The following CIBAR2 variants were observed in gnomAD, a reference collection of about 807,000 sequenced individuals.
CIBAR2 encodes the protein CBY1-interacting BAR domain-containing protein 2.
A neutral mutation model predicts 36.2 loss-of-function variants in CIBAR2; 38 were observed. That is an observed-to-expected ratio of 1.05 (90% confidence interval 0.81 to 1.38). The LOEUF (loss-of-function observed/expected upper bound fraction) is 1.38. Ranked by LOEUF, CIBAR2 falls within the 40% of genes most tolerant of loss-of-function variation. The pLI is 0.00. For synonymous variants in CIBAR2, 182 were observed against 149.5 expected (o/e 1.22, Z -1.58); for missense variants, 481 against 383.4 (o/e 1.25, Z -2.13).
chr16:85,104,994 G>A (rs1212326278), intron 6 of CIBAR2, among the ~76,000 whole-genome samples: 1 of 152,176 alleles, frequency 6.6e-6, no homozygotes, highest in East Asian at 1.9e-4. Flanking sequence ...AGAAAAAGAG[G>A]TTAGAGCCAT....
intron 6 of CIBAR2, among the ~76,000 whole-genome samples, chr16:85,103,146 G>C (rs1043425433): frequency 4.6e-5 from 7 of 152,204 alleles, no homozygotes; most frequent in Middle Eastern, 3.4e-3. Flanking sequence ...CAAGTGATCC[G>C]CAGGAGGGCT....
intron 1 of CIBAR2, among the ~76,000 whole-genome samples, chr16:85,110,748 AG>A (rs2074036415): frequency 7.8e-6 from 1 of 127,968 alleles, no homozygotes; most frequent in Non-Finnish European, 1.6e-5. Context: ...TCTGTCACCC[AG>A]GCTGGAGTGC....
chr16:85,102,142 T>C, intron 7 of CIBAR2, 72 bp downstream of exon 7: 1 of 829,648 alleles, frequency 1.2e-6, no homozygotes, highest in Non-Finnish European at 2.0e-6. Flanking sequence ...AAAAACGACT[T>C]CTATCAAGAC....
chr16:85,112,215 T>G, intron 1 of CIBAR2, 118 bp downstream of exon 1: 323 of 586,362 alleles, frequency 5.5e-4, no homozygotes, highest in Non-Finnish European at 7.8e-4. Flanking sequence ...AGAGCTCCCC[T>G]CACCCCCAAC....
intron 2 of CIBAR2, among the ~76,000 whole-genome samples, chr16:85,108,543 A>T (rs2074016021): frequency 6.6e-6 from 1 of 152,172 alleles, no homozygotes; most frequent in South Asian, 2.1e-4. Context: ...GCGGATGAGA[A>T]AACTGAGCCT....
At chr16:85,104,633 T>C (rs1373648271) in intron 6 of CIBAR2, among the ~76,000 whole-genome samples, 2 of 152,188 alleles carry the variant, frequency 1.3e-5, no homozygotes, top group East Asian at 1.9e-4. Context: ...GGAGAATCAC[T>C]TAAACCCGGG....
intron 1 of CIBAR2, among the ~76,000 whole-genome samples, chr16:85,111,047 G>A (rs1597673860): frequency 1.3e-5 from 2 of 152,070 alleles, no homozygotes; most frequent in East Asian, 3.9e-4. Flanking sequence ...CCCCCCTGCA[G>A]CAGGTGCGCG....
intron 2 of CIBAR2, 77 bp from the exon 3 acceptor site, chr16:85,108,176 G>A (rs760914938): frequency 1.5e-5 from 21 of 1,390,886 alleles, no homozygotes; most frequent in African/African-American, 2.9e-5. Context: ...AAGCAGAGCC[G>A]GCACCCGGGA....
intron 6 of CIBAR2, among the ~76,000 whole-genome samples, chr16:85,103,163 T>C (rs999332233): frequency 8.5e-5 from 13 of 152,086 alleles, no homozygotes; most frequent in Admixed American, 5.9e-4. Flanking sequence ...GGCTCCACTT[T>C]CATGAATGGG....
chr16:85,100,264 G>A (rs771710204), intron 7 of CIBAR2, 24 bp from the exon 8 acceptor site: 4 of 1,531,580 alleles, frequency 2.6e-6, no homozygotes, highest in Non-Finnish European at 2.7e-6. Context: ...ACCAGGGTGG[G>A]TGGGATCCGA....
rs767003825 is a variant in CIBAR2 at position 85,110,206 on chromosome 16, C to T, written c.255+20G>A. On this transcript the variant is annotated intron_variant, in intron 2 of 8. Coordinates refer to ENST00000539556, the MANE Select transcript of CIBAR2 (RefSeq NM_198491.3). ...CCTGGGTACCCCTCAGCATCCCAGACCCGGGCCGGCAGCACTCACCTGGGC... is the reference window on the plus strand; with the variant it reads ...CCTGGGTACCCCTCAGCATCCCAGATCCGGGCCGGCAGCACTCACCTGGGC... 1.3e-6 allele frequency: 2 copies of T among 1,530,764 alleles called. No homozygotes were observed. Among genetic ancestry groups the T allele is most frequent in the Non-Finnish European group, 1.8e-6 (2 of 1,133,040 alleles). 94.8% of individuals were successfully genotyped at this position (1,530,764 alleles called of 1,614,324 possible).
At chr16:85,099,797 CTTTTTTTT>C (rs71386075) in intron 8 of CIBAR2, among the ~76,000 whole-genome samples, 12 of 77,532 alleles carry the variant, frequency 1.5e-4, no homozygotes, top group African/African-American at 2.1e-4. Flanking sequence ...CTAATTTTTG[CTTTTTTTT>C]TTTTTTTTTT....
chr16:85,110,412 C>T lies in CIBAR2; in HGVS notation c.69G>A (p.Lys23=). ...VMENTVANTE[K]YFGQFCSLLA... ...GCAGCGAGCAGAACTGCCCAAAGTA[C>T]TTCTCGGTGTTGGCCACGGTATTCT... Residue 23 remains lysine, a synonymous_variant, in exon 2 of 9, where the codon AAG becomes AAA. Coordinates refer to ENST00000539556, the MANE Select transcript of CIBAR2 (RefSeq NM_198491.3). The T allele has an allele frequency of 1.9e-6, 3 of 1,612,590 alleles. No homozygotes were observed. Among genetic ancestry groups the T allele is most frequent in the Non-Finnish European group, 2.5e-6 (3 of 1,179,206 alleles).
chr16:85,100,175 G>T lies in CIBAR2; in HGVS notation c.717C>A (p.Ser239Arg), dbSNP rs779569445. ...HYDTRLLANTSPPPSVLQSLA... is the reference protein window; with the variant it reads ...HYDTRLLANTRPPPSVLQSLA... ...GAGACTGAAGAACAGATGGAGGGGG[G>T]CTGGTGTTGGCAAGCAGCCGAGTGT... Residue 239 changes from serine (S) to arginine (R), a missense_variant, in exon 8 of 9, where the codon AGC (serine) becomes AGA (arginine). Transcript: ENST00000539556. The T allele has an allele frequency of 1.9e-5, 31 of 1,611,536 alleles. 1 individual carries two copies. In the South Asian group the frequency reaches 2.9e-4, roughly 15 times the overall value.
intron 5 of CIBAR2, among the ~76,000 whole-genome samples, chr16:85,106,775 T>A (rs112024814): frequency 0.012 from 1,861 of 152,308 alleles, 34 homozygotes; most frequent in African/African-American, 0.043. Flanking sequence ...AACTTAACAC[T>A]TTCTAGCAGA....
intron 5 of CIBAR2, among the ~76,000 whole-genome samples, chr16:85,106,850 C>T (rs1428221984): frequency 1.3e-5 from 2 of 152,214 alleles, no homozygotes; most frequent in African/African-American, 2.4e-5. Context: ...GGACCGCTGA[C>T]TTAGCTCCAT....
chr16:85,109,566 C>T (rs931016367), intron 2 of CIBAR2, among the ~76,000 whole-genome samples: 1 of 152,212 alleles, frequency 6.6e-6, no homozygotes, highest in African/African-American at 2.4e-5. Flanking sequence ...TACTGTCTCC[C>T]AGGCTAGAGT....
Position 85,099,167 on chromosome 16 carries a change from T to C in CIBAR2, c.*18A>G. ...GGGATTATTTTAAACGGCTTGGGAT[T>C]GCACTTACCCTACGTCGTTAGAGAG... On this transcript the variant is annotated 3_prime_UTR_variant, in exon 9 of 9. Transcript: ENST00000539556. The C allele has an allele frequency of 6.6e-7, 1 of 1,514,750 alleles. No individual in the cohort carries two copies. The highest frequency in any genetic ancestry group is 8.8e-7 in the Non-Finnish European group (1 of 1,133,752). The allele number at this position is 1,514,750 out of a possible 1,614,324, so 93.8% of individuals were successfully genotyped here.
At position 85,108,091 on chromosome 16, in the gene CIBAR2, C is replaced by T. The variant is rs1159367082; in HGVS notation, c.264G>A (p.Arg88=). 2 of 1,611,190 alleles carry T rather than the reference C, an allele frequency of 1.2e-6. No individual in the cohort carries two copies. The highest frequency in any genetic ancestry group is 1.7e-6 in the Non-Finnish European group (2 of 1,178,394). Reference sequence around the variant, plus strand: ...GGGGGTTGACCACCTTGGTCTCCAGCCTCTCGACCTGGGGGAGCGGGGACA... The same window carrying T: ...GGGGGTTGACCACCTTGGTCTCCAGTCTCTCGACCTGGGGGAGCGGGGACA... ...VQDYRQAQVE[R]LETKVVNPLK... Residue 88 remains arginine (R), a synonymous_variant, in exon 3 of 9, where the codon AGG becomes AGA. Transcript: ENST00000539556.
Sources: allele counts gnomAD v4.1 joint callset (sites outside exome capture counted in the v4.1 genomes callset), GRCh38; gene constraint gnomAD v4.1.1; transcripts MANE v1.5; gene names NCBI Gene and HGNC (gene_info 2026-07-23, HGNC 2026-07-21).